The following ZNF277 variants were observed in gnomAD, a reference collection of about 807,000 sequenced individuals.
The protein encoded by ZNF277 is nuclear receptor-interacting factor 4.
In ZNF277, 55 loss-of-function variants were observed where a neutral mutation model predicts 60.7. That is an observed-to-expected ratio of 0.91 (90% confidence interval 0.73 to 1.13). The LOEUF is 1.13. Ranked by LOEUF, ZNF277 falls within the 50% of genes most tolerant of loss-of-function variation. The pLI, the probability that ZNF277 is intolerant of heterozygous loss-of-function variation, is 0.00. For missense variants in ZNF277, 510 were observed against 523.0 expected (o/e 0.98, Z 0.24); for synonymous variants, 178 against 179.3 (o/e 0.99, Z 0.06).
intron 1 of ZNF277, among the ~76,000 whole-genome samples, chr7:112,275,017 A>G (rs984354352): frequency 6.6e-6 from 1 of 152,180 alleles, no homozygotes; most frequent in Non-Finnish European, 1.5e-5. Flanking sequence ...TACATTGGCC[A>G]TCCTGTTCAG....
At chr7:112,280,293 G>A (rs752209867) in intron 1 of ZNF277, among the ~76,000 whole-genome samples, 5 of 152,110 alleles carry the variant, frequency 3.3e-5, no homozygotes, top group Admixed American at 6.5e-5. Context: ...TATGAGAAGC[G>A]CTTCCCTAGA....
chr7:112,319,713 A>G (rs1270647877), intron 5 of ZNF277, among the ~76,000 whole-genome samples: 1 of 148,832 alleles, frequency 6.7e-6, no homozygotes, highest in Non-Finnish European at 1.5e-5. Flanking sequence ...AAATTTATAA[A>G]TTATAAAAGA....
At position 112,337,827 on chromosome 7, in the gene ZNF277, G is replaced by A. The variant is rs924712524; in HGVS notation, c.966+1G>A. On this transcript the variant is annotated splice_donor_variant, in intron 9 of 11. Transcript: ENST00000361822. LOFTEE classifies it high-confidence loss of function. The stretch of plus-strand genomic sequence containing the variant: ...TGAGAAGTTGTATGTCCACATGGAG[G>A]TAAGATACCTGTATTTATTTGAATT... 2 of 1,607,858 alleles carry A rather than the reference G, an allele frequency of 1.2e-6. No homozygotes were observed. The highest frequency in any genetic ancestry group is 4.5e-5 in the East Asian group (2 of 44,800).
intron 1 of ZNF277, among the ~76,000 whole-genome samples, chr7:112,248,244 G>A (rs914784942): frequency 3.3e-5 from 5 of 151,466 alleles, no homozygotes; most frequent in African/African-American, 1.2e-4. Context: ...TATGCCTGTT[G>A]ATCATGACTG....
intron 1 of ZNF277, among the ~76,000 whole-genome samples, chr7:112,257,329 G>A (rs1791338085): frequency 6.6e-6 from 1 of 152,158 alleles, no homozygotes; most frequent in Non-Finnish European, 1.5e-5. Context: ...AAACAAACAG[G>A]CTTCCTGCCT....
chr7:112,313,656 C>G (rs1029428137), intron 4 of ZNF277, among the ~76,000 whole-genome samples: 2 of 152,042 alleles, frequency 1.3e-5, no homozygotes, highest in African/African-American at 4.8e-5. Flanking sequence ...TTTTAAAAAT[C>G]ATAATCAACA....
chr7:112,307,039 G>A (rs1366156817), intron 4 of ZNF277, among the ~76,000 whole-genome samples: 1 of 152,050 alleles, frequency 6.6e-6, no homozygotes, highest in South Asian at 2.1e-4. Context: ...TGCAGTGCAG[G>A]ATTTGGGTCC....
intron 1 of ZNF277, 29 bp from the exon 2 acceptor site, chr7:112,286,841 CTTT>C (rs10710470): frequency 0.041 from 37,732 of 917,960 alleles, no homozygotes; most frequent in Non-Finnish European, 0.044. Flanking sequence ...TTCTTTCTTT[CTTT>C]TTTTTTTTTT....
chr7:112,282,869 C>G (rs192536555), intron 1 of ZNF277, among the ~76,000 whole-genome samples: 1 of 152,366 alleles, frequency 6.6e-6, no homozygotes, highest in East Asian at 1.9e-4. Flanking sequence ...CTCACCCCCT[C>G]AGTTCCTTCA....
At chr7:112,291,128 T>A (rs2117068878) in intron 2 of ZNF277, among the ~76,000 whole-genome samples, 1 of 152,310 alleles carries the variant, frequency 6.6e-6, no homozygotes, top group South Asian at 2.1e-4. Flanking sequence ...TTGAGTCCAT[T>A]TAACATAGTT....
At chr7:112,240,065 T>G (rs1388437879) in intron 1 of ZNF277, among the ~76,000 whole-genome samples, 1 of 152,210 alleles carries the variant, frequency 6.6e-6, no homozygotes, top group Non-Finnish European at 1.5e-5. Flanking sequence ...AAGACGTTAT[T>G]TGCAAGCCTC....
At position 112,334,819 on chromosome 7, in the gene ZNF277, A is replaced by G. The variant is rs1034285581; in HGVS notation, c.802-1285A>G. On this transcript the variant is annotated intron_variant, in intron 7 of 11. Transcript: ENST00000361822. ...AAGTCCAAGTACAGAAAAACCAAGT[A>G]AGGCATGAAAGATTTAATTCATTAC... is the stretch of plus-strand genomic sequence containing the variant. Among the ~76,000 whole-genome samples, 8 of 151,532 alleles carry G rather than the reference A, an allele frequency of 5.3e-5. No homozygotes were observed. The East Asian group carries it at 7.7e-4, about 15-fold the overall frequency.
At position 112,343,824 on chromosome 7, in the gene ZNF277, G is replaced by A. The variant is rs1468507237; in HGVS notation, c.*1095G>A. ...ACCTATAGTCCCAGCTACTTGGGAGGCTGAAGCACAAGAATCGCTTGAATC... is the reference window on the plus strand; with the variant it reads ...ACCTATAGTCCCAGCTACTTGGGAGACTGAAGCACAAGAATCGCTTGAATC... On this transcript the variant is annotated 3_prime_UTR_variant, in exon 12 of 12. Coordinates refer to ENST00000361822, the MANE Select transcript of ZNF277 (RefSeq NM_021994.3). 3.3e-5 allele frequency among the ~76,000 whole-genome samples: 5 copies of A among 151,768 alleles called. No homozygotes were observed. Among genetic ancestry groups the A allele is most frequent in the Non-Finnish European group, 2.9e-5 (2 of 67,996 alleles).
intron 1 of ZNF277, among the ~76,000 whole-genome samples, chr7:112,246,214 TC>T (rs1791081678): frequency 6.6e-6 from 1 of 151,580 alleles, no homozygotes; most frequent in Non-Finnish European, 1.5e-5. Context: ...CAACACCCCA[TC>T]CCTACAAAAG....
intron 1 of ZNF277, among the ~76,000 whole-genome samples, chr7:112,238,630 A>G (rs1343746688): frequency 6.6e-6 from 1 of 151,998 alleles, no homozygotes; most frequent in Admixed American, 6.5e-5. Flanking sequence ...CACAGTTTGC[A>G]GCTCCCGCAG....
intron 5 of ZNF277, among the ~76,000 whole-genome samples, chr7:112,319,412 G>T (rs570878656): frequency 2.0e-5 from 3 of 152,046 alleles, no homozygotes; most frequent in South Asian, 2.1e-4. Flanking sequence ...CATCAGCAAT[G>T]TTTACAAATA....
intron 1 of ZNF277, among the ~76,000 whole-genome samples, chr7:112,285,702 G>A (rs1792049503): frequency 6.6e-6 from 1 of 151,120 alleles, no homozygotes; most frequent in Non-Finnish European, 1.5e-5. Context: ...CCAAAGCTCT[G>A]GGATTACAGA....
At chr7:112,240,192 G>A (rs1790914138) in intron 1 of ZNF277, among the ~76,000 whole-genome samples, 1 of 152,076 alleles carries the variant, frequency 6.6e-6, no homozygotes, top group Non-Finnish European at 1.5e-5. Flanking sequence ...AAGGAAAGAA[G>A]GAAGGGAAGA....
intron 1 of ZNF277, among the ~76,000 whole-genome samples, chr7:112,249,521 G>T (rs1791156410): frequency 6.6e-6 from 1 of 152,012 alleles, no homozygotes; most frequent in African/African-American, 2.4e-5. Flanking sequence ...TAGAAAGCAG[G>T]AGAGAGTCCT....
Sources: gnomAD v4.1 joint callset for allele counts (sites outside exome capture counted in the v4.1 genomes callset) on GRCh38, gnomAD v4.1.1 for gene constraint, MANE v1.5 for transcripts, NCBI Gene and HGNC (gene_info 2026-07-23, HGNC 2026-07-21) for gene names.